The following CFAP61 variants were observed in gnomAD, a reference collection of about 807,000 sequenced individuals.
CFAP61 encodes the protein cilia- and flagella-associated protein 61.
Under a neutral mutation model 135.6 loss-of-function variants are expected in CFAP61, and 107 were observed. That is an observed-to-expected ratio of 0.79 (90% CI 0.67 to 0.93). The LOEUF is 0.93. Ranked by LOEUF, CFAP61 falls within the 40% of genes least tolerant of loss-of-function variation. The probability of loss-of-function intolerance (pLI) is 0.00; values close to 1 mark genes in which losing one functional copy is unlikely to be tolerated. For synonymous variants in CFAP61, 575 were observed against 578.5 expected, an observed-to-expected ratio of 0.99 and a Z score of 0.09; for missense variants, 1,507 against 1,556.2, an observed-to-expected ratio of 0.97 and a Z score of 0.53.
At chr20:20,086,801 G>A (rs1017749679) in intron 6 of CFAP61, among the ~76,000 whole-genome samples, 2 of 152,166 alleles carry the variant, frequency 1.3e-5, no homozygotes, top group Non-Finnish European at 2.9e-5. Context: ...CCACACCTTG[G>A]CCGTAAGAAT....
chr20:20,229,123 G>A (rs1364227612), intron 18 of CFAP61, among the ~76,000 whole-genome samples: 1 of 152,084 alleles, frequency 6.6e-6, no homozygotes, highest in Non-Finnish European at 1.5e-5. Context: ...ACTAAACAAG[G>A]TTTCCTTTCA....
chr20:20,310,990 G>A lies in CFAP61; in HGVS notation c.3422+12604G>A, dbSNP rs2056793577. Among the ~76,000 whole-genome samples the A allele has an allele frequency of 2.0e-5, 3 of 152,346 alleles. No homozygotes were observed. The South Asian group carries it at 6.2e-4, about 32-fold the overall frequency. On this transcript the variant is annotated intron_variant, in intron 25 of 26. Transcript: ENST00000245957. ...CATCGTCCACGTCCTGCACAGGGCTGTCTCTTTGGATGAAACTCAGTCCCA... is the reference window on the plus strand; with the variant it reads ...CATCGTCCACGTCCTGCACAGGGCTATCTCTTTGGATGAAACTCAGTCCCA...
At chr20:20,163,411 T>C (rs917027794) in intron 10 of CFAP61, among the ~76,000 whole-genome samples, 2 of 152,148 alleles carry the variant, frequency 1.3e-5, no homozygotes, top group African/African-American at 4.8e-5. Flanking sequence ...AATTCTTGTA[T>C]CACAATGAAA....
At position 20,090,919 on chromosome 20, in the gene CFAP61, C is replaced by A. The variant is rs143875326; in HGVS notation, c.642C>A (p.Tyr214Ter). ...TTCTGAAGGAAACTTACGGTGAATA[C>A]TTCCTGGCCGAACTAATAGAGGCCC... is the stretch of plus-strand genomic sequence containing the variant. Reference protein sequence around the residue: ...DTILKETYGEYFLAELIEAQD... With the variant: ...DTILKETYGE Residue 214 changes from tyrosine (Y) to a stop codon, truncating the protein, a stop_gained, in exon 7 of 27, where the codon TAC becomes TAA. Transcript: ENST00000245957. LOFTEE classifies it high-confidence loss of function. The A allele has an allele frequency of 4.6e-5, 75 of 1,614,014 alleles. No homozygotes were observed. The highest frequency in any genetic ancestry group is 5.6e-5 in the Non-Finnish European group (66 of 1,180,004).
At chr20:20,295,298 G>A (rs1263538748) in intron 24 of CFAP61, among the ~76,000 whole-genome samples, 2 of 152,090 alleles carry the variant, frequency 1.3e-5, no homozygotes, top group Admixed American at 6.5e-5. Flanking sequence ...CCACATGGGT[G>A]GATCTCAAGG....
Position 20,156,640 on chromosome 20 carries a change from T to C in CFAP61, c.952-2730T>C, listed in dbSNP as rs144957473. 7.2e-4 allele frequency among the ~76,000 whole-genome samples: 109 copies of C among 152,248 alleles called. 1 individual carries two copies. The highest frequency in any genetic ancestry group is 2.5e-3 in the African/African-American group (103 of 41,570). On this transcript the variant is annotated intron_variant, in intron 9 of 26. Coordinates refer to ENST00000245957, the MANE Select transcript of CFAP61 (RefSeq NM_015585.4). ...GACTACCTATGAAAAAAAAATCTGATGGAATCTACAAAACAGCTACTATAA... is the reference window on the plus strand; with the variant it reads ...GACTACCTATGAAAAAAAAATCTGACGGAATCTACAAAACAGCTACTATAA...
chr20:20,153,986 A>C (rs2052667880), intron 9 of CFAP61, among the ~76,000 whole-genome samples: 1 of 152,132 alleles, frequency 6.6e-6, no homozygotes, highest in Non-Finnish European at 1.5e-5. Context: ...ACCATATCCA[A>C]CATCATATCA....
chr20:20,227,932 G>A (rs76557565), intron 17 of CFAP61, among the ~76,000 whole-genome samples: 3,083 of 152,296 alleles, frequency 0.02, 100 homozygotes, highest in African/African-American at 0.069. Flanking sequence ...CTGTCTCCTT[G>A]TAGTGTTACT....
At chr20:20,321,121 A>T (rs539890922) in intron 25 of CFAP61, among the ~76,000 whole-genome samples, 1 of 152,278 alleles carries the variant, frequency 6.6e-6, no homozygotes, top group East Asian at 1.9e-4. Flanking sequence ...ACAGAATTCA[A>T]ATTTAACCAA....
At chr20:20,069,630 C>T (rs996651247) in intron 2 of CFAP61, 8 of 406,878 alleles carry the variant, frequency 2.0e-5, no homozygotes, top group African/African-American at 6.2e-5. Flanking sequence ...AGTTACCTCA[C>T]GAAAAGATAA....
At chr20:20,322,299 T>A (rs1329628486) in intron 25 of CFAP61, among the ~76,000 whole-genome samples, 1 of 152,224 alleles carries the variant, frequency 6.6e-6, no homozygotes, top group Non-Finnish European at 1.5e-5. Flanking sequence ...TGCACATTAA[T>A]ACATAACTGA....
Position 20,159,525 on chromosome 20 carries a change from C to T in CFAP61, c.1026+81C>T. The T allele has an allele frequency of 6.6e-6, 8 of 1,219,880 alleles. No individual in the cohort carries two copies. The South Asian group carries it at 9.8e-5, about 15-fold the overall frequency. The allele number at this position is 1,219,880 out of a possible 1,614,324, so 75.6% of individuals were successfully genotyped here. A position where few individuals can be genotyped will look rare whatever the true frequency, so the allele number is the denominator to read the frequency against. On this transcript the variant is annotated intron_variant, in intron 10 of 26. Coordinates refer to ENST00000245957, the MANE Select transcript of CFAP61 (RefSeq NM_015585.4). Reference sequence around the variant, plus strand: ...CTTTCTACCTCAGAGGATTTGTGCCCTTTCCTCCTCCCAATCTCCCTGCCT... The same window carrying T: ...CTTTCTACCTCAGAGGATTTGTGCCTTTTCCTCCTCCCAATCTCCCTGCCT...
At chr20:20,116,740 C>T (rs970331536) in intron 8 of CFAP61, among the ~76,000 whole-genome samples, 1 of 152,142 alleles carries the variant, frequency 6.6e-6, no homozygotes, top group Non-Finnish European at 1.5e-5. Context: ...ATCAACTTCT[C>T]TTTCTCTCCC....
At position 20,129,034 on chromosome 20, in the gene CFAP61, C is replaced by T. The variant is rs181110130; in HGVS notation, c.860-13823C>T. Among the ~76,000 whole-genome samples, 52 of 151,268 alleles carry T rather than the reference C, an allele frequency of 3.4e-4. 1 individual carries two copies. Among genetic ancestry groups the T allele is most frequent in the Non-Finnish European group, 5.9e-4 (40 of 67,928 alleles). On this transcript the variant is annotated intron_variant, in intron 8 of 26. Coordinates refer to ENST00000245957, the MANE Select transcript of CFAP61 (RefSeq NM_015585.4). ...ATAACTATTATTATAATAGTTATAACTATTATTGTTTTTGACAGATTTTTC... is the reference window on the plus strand; with the variant it reads ...ATAACTATTATTATAATAGTTATAATTATTATTGTTTTTGACAGATTTTTC...
Position 20,096,893 on chromosome 20 carries a change from C to T in CFAP61, c.700-1762C>T, listed in dbSNP as rs533772089. On this transcript the variant is annotated intron_variant, in intron 7 of 26. Transcript: ENST00000245957. ...GGCTTTATAAAACAGCTGTGTAAAT[C>T]CAGGCTTTTTCAGCAAGTATCATTT... Among the ~76,000 whole-genome samples, 4 of 152,164 alleles carry T rather than the reference C, an allele frequency of 2.6e-5. No homozygotes were observed. The South Asian group carries it at 8.3e-4, about 32-fold the overall frequency.
At chr20:20,060,597 G>A (rs2044721177) in intron 2 of CFAP61, among the ~76,000 whole-genome samples, 1 of 152,242 alleles carries the variant, frequency 6.6e-6, no homozygotes, top group African/African-American at 2.4e-5. Context: ...GGTGTGGTAA[G>A]TGGTGTGCAA....
intron 25 of CFAP61, among the ~76,000 whole-genome samples, chr20:20,314,740 T>C (rs1471595710): frequency 1.6e-5 from 2 of 127,584 alleles, no homozygotes; most frequent in Non-Finnish European, 3.2e-5. Context: ...CCTGTGTCCA[T>C]GTGTTCTCAT....
At chr20:20,192,279 G>A (rs2055976783) in intron 15 of CFAP61, among the ~76,000 whole-genome samples, 1 of 151,954 alleles carries the variant, frequency 6.6e-6, no homozygotes, top group African/African-American at 2.4e-5. Flanking sequence ...GGTTTTCTTT[G>A]CATCGTATTT....
intron 23 of CFAP61, 123 bp downstream of exon 23, chr20:20,289,059 G>A: frequency 3.1e-6 from 2 of 653,344 alleles, no homozygotes; most frequent in Non-Finnish European, 5.2e-6. Context: ...TCAATGGGTT[G>A]CCACAGAGAC....
Sources: allele counts gnomAD v4.1 joint callset (sites outside exome capture counted in the v4.1 genomes callset), GRCh38; gene constraint gnomAD v4.1.1; transcripts MANE v1.5; gene names NCBI Gene and HGNC (gene_info 2026-07-23, HGNC 2026-07-21).